The following DLGAP1 variants were observed in gnomAD, a reference collection of about 807,000 sequenced individuals.
DLGAP1 encodes the protein disks large-associated protein 1.
A neutral mutation model predicts 90.8 loss-of-function variants in DLGAP1; 11 were observed. That is an observed-to-expected ratio of 0.12 (90% CI 0.08 to 0.20). The LOEUF (loss-of-function observed/expected upper bound fraction) is 0.20, where lower values mean the gene tolerates loss of function less well. Ranked by LOEUF, DLGAP1 falls within the 10% of genes least tolerant of loss-of-function variation. The pLI is 1.00. For missense variants in DLGAP1, 1,050 were observed against 1,333.8 expected (o/e 0.79, Z 3.31); for synonymous variants, 558 against 540.7 (o/e 1.03, Z -0.44).
intron 3 of DLGAP1, among the ~76,000 whole-genome samples, chr18:3,932,874 C>T (rs1555710542): frequency 2.0e-5 from 3 of 152,144 alleles, no homozygotes; most frequent in Non-Finnish European, 4.4e-5. Context: ...CTCCTAGATG[C>T]AGCATGGAAG....
At chr18:4,039,696 A>G (rs1156976394) in intron 2 of DLGAP1, among the ~76,000 whole-genome samples, 1 of 152,222 alleles carries the variant, frequency 6.6e-6, no homozygotes, top group Non-Finnish European at 1.5e-5. Flanking sequence ...CTCTTCAAAT[A>G]TAAAATGGTG....
At chr18:3,596,582 G>C in intron 7 of DLGAP1, 1 of 224,294 alleles carries the variant, frequency 4.5e-6, no homozygotes, top group South Asian at 4.6e-5. Flanking sequence ...TGGCCAGACT[G>C]AGAGAAAGGA....
chr18:3,822,147 C>T (rs2067457942), intron 4 of DLGAP1: 2 of 259,756 alleles, frequency 7.7e-6, no homozygotes, highest in East Asian at 1.8e-4. Context: ...TTCTTACTCC[C>T]CTGGAAGCCC....
intron 1 of DLGAP1, among the ~76,000 whole-genome samples, chr18:4,427,520 G>A (rs1048296724): frequency 1.3e-5 from 2 of 152,138 alleles, no homozygotes; most frequent in African/African-American, 2.4e-5. Context: ...GGGAGGTTTT[G>A]TAAATTGGCA....
chr18:4,009,312 A>C (rs181762509), intron 2 of DLGAP1, among the ~76,000 whole-genome samples: 182 of 152,330 alleles, frequency 1.2e-3, no homozygotes, highest in African/African-American at 4.2e-3. Flanking sequence ...CCCGTCTGGC[A>C]TCACTAATCT....
chr18:4,306,065 C>CACACACAT (rs1555779966), intron 1 of DLGAP1, among the ~76,000 whole-genome samples: 45 of 131,712 alleles, frequency 3.4e-4, no homozygotes, highest in African/African-American at 1.2e-3. Context: ...CACACACACA[C>CACACACAT]GGGGGAGAGG....
intron 1 of DLGAP1, among the ~76,000 whole-genome samples, chr18:4,432,588 TAGTGTGTG>T (rs1567918204): frequency 2.9e-5 from 2 of 68,942 alleles, no homozygotes; most frequent in African/African-American, 9.9e-5. Flanking sequence ...TCACCTCACA[TAGTGTGTG>T]TGTGTGTGTG....
chr18:3,630,658 A>G (rs902099229), intron 7 of DLGAP1, among the ~76,000 whole-genome samples: 5 of 152,180 alleles, frequency 3.3e-5, no homozygotes, highest in African/African-American at 1.2e-4. Context: ...AATTGCAAAG[A>G]TGCCTCTCAA....
At chr18:4,092,167 C>T (rs1023539196) in intron 2 of DLGAP1, among the ~76,000 whole-genome samples, 1 of 152,046 alleles carries the variant, frequency 6.6e-6, no homozygotes, top group South Asian at 2.1e-4. Flanking sequence ...TATCAAAGGG[C>T]GTGTCTCAAT....
At chr18:3,610,560 G>T (rs9966731) in intron 7 of DLGAP1, among the ~76,000 whole-genome samples, 2 of 151,954 alleles carry the variant, frequency 1.3e-5, no homozygotes, top group Admixed American at 6.6e-5. Flanking sequence ...CTCAGCCAGG[G>T]GCAGTAGCTC....
chr18:4,155,001 G>A lies in DLGAP1; in HGVS notation c.-266-3714C>T, dbSNP rs145041171. ...AGAAGGTGAAACATGCTATAGATGT[G>A]AGAAAAACAGACCAAGGTAAGAGGT... On this transcript the variant is annotated intron_variant, in intron 1 of 12. Transcript: ENST00000315677. 3.3e-5 allele frequency among the ~76,000 whole-genome samples: 5 copies of A among 152,286 alleles called. No homozygotes were observed. The East Asian group carries it at 9.7e-4, about 29-fold the overall frequency.
At chr18:3,508,754 T>A in intron 10 of DLGAP1, 93 bp from the exon 11 acceptor site, 1 of 992,686 alleles carries the variant, frequency 1.0e-6, no homozygotes, top group Middle Eastern at 2.1e-4. Context: ...GCTGTAATAA[T>A]TAGGGAAAAT....
intron 1 of DLGAP1, 73 bp from the exon 2 acceptor site, chr18:4,151,360 T>A (rs2076672352): frequency 6.6e-6 from 1 of 152,174 alleles, no homozygotes. Context: ...AATGATCTCA[T>A]AAGAACTATT....
chr18:3,591,287 G>C (rs767758507), intron 7 of DLGAP1, among the ~76,000 whole-genome samples: 1 of 152,102 alleles, frequency 6.6e-6, no homozygotes. Flanking sequence ...ACCTAAACTG[G>C]GGACATAAAT....
intron 2 of DLGAP1, among the ~76,000 whole-genome samples, chr18:4,075,838 T>C (rs1003944502): frequency 1.3e-5 from 2 of 152,236 alleles, no homozygotes; most frequent in Non-Finnish European, 2.9e-5. Context: ...GACATGAGTT[T>C]ATTGCTTTAC....
chr18:4,288,934 T>C (rs941403395), intron 1 of DLGAP1, among the ~76,000 whole-genome samples: 1 of 152,186 alleles, frequency 6.6e-6, no homozygotes, highest in Non-Finnish European at 1.5e-5. Context: ...GAGTTGGATG[T>C]AGAGGCTGGG....
intron 1 of DLGAP1, among the ~76,000 whole-genome samples, chr18:4,440,630 G>T (rs1424260500): frequency 6.6e-6 from 1 of 152,116 alleles, no homozygotes; most frequent in Non-Finnish European, 1.5e-5. Flanking sequence ...AACCTATATA[G>T]ACACACGAGA....
intron 9 of DLGAP1, among the ~76,000 whole-genome samples, chr18:3,559,365 G>A (rs2053938443): frequency 6.6e-6 from 1 of 152,152 alleles, no homozygotes. Context: ...TTCTAAATGG[G>A]AAAAGGGTTA....
chr18:3,718,604 G>A (rs1304839057), intron 7 of DLGAP1, among the ~76,000 whole-genome samples: 1 of 152,056 alleles, frequency 6.6e-6, no homozygotes, highest in Non-Finnish European at 1.5e-5. Flanking sequence ...CTCAGAAGGA[G>A]GAGGATGAAA....
Sources: gnomAD v4.1 joint callset for allele counts (sites outside exome capture counted in the v4.1 genomes callset) on GRCh38, gnomAD v4.1.1 for gene constraint, MANE v1.5 for transcripts, NCBI Gene and HGNC (gene_info 2026-07-23, HGNC 2026-07-21) for gene names.